Variants in DCBLD2 observed in about 807,000 individuals in gnomAD.
DCBLD2 encodes the protein discoidin, CUB and LCCL domain-containing protein 2.
Under a neutral mutation model 86.8 loss-of-function variants are expected in DCBLD2, and 54 were observed. The ratio of observed to expected loss-of-function variants is 0.62; its 90% CI spans 0.50 to 0.78. The LOEUF (loss-of-function observed/expected upper bound fraction) is 0.78, where lower values mean the gene tolerates loss of function less well. Ranked by LOEUF, DCBLD2 falls within the 30% of genes least tolerant of loss-of-function variation. DCBLD2 has a pLI of 0.00. For missense variants in DCBLD2, 908 were observed against 954.2 expected, an observed-to-expected ratio of 0.95 and a Z score of 0.64; for synonymous variants, 354 against 341.3, an observed-to-expected ratio of 1.04 and a Z score of -0.41.
intron 2 of DCBLD2, among the ~76,000 whole-genome samples, chr3:98,869,119 T>C (rs745754178): frequency 1.5e-4 from 23 of 152,164 alleles, no homozygotes; most frequent in Admixed American, 7.9e-4. Flanking sequence ...CCAACATCTA[T>C]TGTTTTTTGA....
chr3:98,872,061 T>C (rs1033694650), intron 2 of DCBLD2, among the ~76,000 whole-genome samples: 2 of 152,228 alleles, frequency 1.3e-5, no homozygotes, highest in African/African-American at 4.8e-5. Flanking sequence ...CTCTAGACTT[T>C]CTAGTTTGTG....
chr3:98,870,802 A>AAAGAAAGAAAGAAAGAAAGG (rs1559794655), intron 2 of DCBLD2, among the ~76,000 whole-genome samples: 6 of 135,864 alleles, frequency 4.4e-5, no homozygotes, highest in African/African-American at 1.7e-4. Context: ...AGAAAGAAAG[A>AAAGAAAGAAAGAAAGAAAGG]AAGAAAGAAA....
chr3:98,801,636 C>T lies in DCBLD2; in HGVS notation c.1684G>A (p.Glu562Lys), dbSNP rs1941721061. The T allele has an allele frequency of 2.5e-6, 4 of 1,607,478 alleles. No individual in the cohort carries two copies. The highest frequency in any genetic ancestry group is 2.7e-5 in the African/African-American group (2 of 74,780). The change falls in exon 14 of 16, where the codon GAA becomes AAA. Residue 562 changes from glutamate (E) to lysine (K), a missense_variant. Physicochemically the swap from Glu to Lys is moderately conservative, Grantham distance 56. This residue lies in a region of DCBLD2 where 606 missense variants were observed against 678.5 expected (regional missense o/e 0.89). Transcript: ENST00000326840. ...CAGTAAGGTAAGTCATAGGTGCCTT[C>T]AGTTTTTTTCTTTCTGGAAAAATAC... is the stretch of plus-strand genomic sequence containing the variant. The part of the protein sequence containing the change: ...WHWRNRKKKT[E>K]GTYDLPYWDR...
chr3:98,835,938 C>CTTTCTTTTTTTTTTTTT (rs56279917), intron 3 of DCBLD2, among the ~76,000 whole-genome samples: 1 of 115,046 alleles, frequency 8.7e-6, no homozygotes, highest in African/African-American at 3.4e-5. Context: ...TCCTTTCTTT[C>CTTTCTTTTTTTTTTTTT]TTTTTTTTTT....
intron 1 of DCBLD2, among the ~76,000 whole-genome samples, chr3:98,893,697 A>G (rs547110969): frequency 1.7e-3 from 264 of 152,328 alleles, no homozygotes; most frequent in Non-Finnish European, 3.1e-3. Flanking sequence ...AGCCAGTGGC[A>G]TTTTGAGCAT....
chr3:98,811,599 A>G, intron 10 of DCBLD2, 45 bp from the exon 11 acceptor site: 1 of 1,503,584 alleles, frequency 6.7e-7, no homozygotes, highest in East Asian at 2.3e-5. Context: ...GTTTTTAAAA[A>G]TCATAATTAA....
intron 1 of DCBLD2, among the ~76,000 whole-genome samples, chr3:98,887,564 T>C (rs1438987068): frequency 6.6e-6 from 1 of 152,054 alleles, no homozygotes; most frequent in Non-Finnish European, 1.5e-5. Context: ...CTGAAATTAA[T>C]ACAGTGACTC....
At chr3:98,866,976 T>G (rs1305987256) in intron 2 of DCBLD2, among the ~76,000 whole-genome samples, 2 of 152,360 alleles carry the variant, frequency 1.3e-5, no homozygotes, top group Admixed American at 6.5e-5. Flanking sequence ...CCTTTCCCCA[T>G]TTCTTGTTTT....
chr3:98,898,778 C>T (rs912746246), intron 1 of DCBLD2, among the ~76,000 whole-genome samples: 4 of 152,058 alleles, frequency 2.6e-5, no homozygotes, highest in Non-Finnish European at 5.9e-5. Flanking sequence ...GCTTTAGGGT[C>T]CTTTGAGTAA....
intron 1 of DCBLD2, among the ~76,000 whole-genome samples, chr3:98,899,807 G>T (rs1479483910): frequency 6.6e-6 from 1 of 152,074 alleles, no homozygotes; most frequent in East Asian, 1.9e-4. Flanking sequence ...AAGATTCAAG[G>T]AGTTAATAAA....
intron 3 of DCBLD2, among the ~76,000 whole-genome samples, chr3:98,836,670 G>T: frequency 8.4e-6 from 1 of 119,494 alleles, no homozygotes; most frequent in South Asian, 2.6e-4. Context: ...AGTAGGGGCG[G>T]CCGGGCAGAG....
chr3:98,882,425 T>A (rs924381044), intron 1 of DCBLD2, among the ~76,000 whole-genome samples: 1 of 152,160 alleles, frequency 6.6e-6, no homozygotes, highest in Non-Finnish European at 1.5e-5. Flanking sequence ...AGCTCTTTTT[T>A]TTTTAACTTT....
At chr3:98,820,322 C>T in intron 6 of DCBLD2, 34 bp from the exon 7 acceptor site, 2 of 1,404,782 alleles carry the variant, frequency 1.4e-6, no homozygotes, top group South Asian at 3.7e-5. Context: ...TGGTGATACT[C>T]ACATAACACA....
chr3:98,872,660 C>T (rs189520956), intron 2 of DCBLD2, among the ~76,000 whole-genome samples: 2 of 152,018 alleles, frequency 1.3e-5, no homozygotes, highest in Admixed American at 1.3e-4. Context: ...TAAAAATGGA[C>T]AAATCGGATA....
chr3:98,812,249 T>C, intron 10 of DCBLD2, 83 bp downstream of exon 10: 8 of 1,523,390 alleles, frequency 5.3e-6, no homozygotes, highest in African/African-American at 4.2e-5. Flanking sequence ...ACTCACATTA[T>C]TAATTACTCT....
chr3:98,870,735 GAAAAAGAAAGAAAGAAAGAA>G (rs1280279780), intron 2 of DCBLD2, among the ~76,000 whole-genome samples: 5 of 60,186 alleles, frequency 8.3e-5, no homozygotes, highest in African/African-American at 3.4e-4. Context: ...AGAAAAGAAA[GAAAAAGAAAGAAAGAAAGAA>G]AGAAAGAAAG....
chr3:98,817,729 T>TA (rs1942049321), intron 9 of DCBLD2, 40 bp downstream of exon 9: 3 of 1,604,548 alleles, frequency 1.9e-6, no homozygotes, highest in Non-Finnish European at 2.6e-6. Context: ...ACCACCCATT[T>TA]AAAAAATGTT....
chr3:98,897,763 C>T lies in DCBLD2; in HGVS notation c.205+3359G>A, dbSNP rs949741040. ...TATATATTAATAGGCCCAAACAAAT[C>T]AGGCTTAATGGTTTTTAAGAATTAA... On this transcript the variant is annotated intron_variant, in intron 1 of 15. Coordinates refer to ENST00000326840, the MANE Select transcript of DCBLD2 (RefSeq NM_080927.4). Among the ~76,000 whole-genome samples the T allele has an allele frequency of 7.2e-5, 11 of 152,164 alleles. No individual in the cohort carries two copies. In the South Asian group the frequency reaches 1.5e-3, roughly 20 times the overall value.
chr3:98,799,102 T>C lies in DCBLD2; in HGVS notation c.*270A>G. On this transcript the variant is annotated 3_prime_UTR_variant, in exon 16 of 16. Transcript: ENST00000326840. The stretch of plus-strand genomic sequence containing the variant: ...TGATTTTTAATTTCTCTGAAGTGCA[T>C]TATAGGGAGCTTTTTCTGTATTAAA... The C allele has an allele frequency of 3.2e-6, 1 of 315,270 alleles. No homozygotes were observed. Among genetic ancestry groups the C allele is most frequent in the Non-Finnish European group, 5.9e-6 (1 of 169,610 alleles). The allele number at this position is 315,270 out of a possible 1,614,324, so 19.5% of individuals were successfully genotyped here.
Sources: allele counts gnomAD v4.1 joint callset (sites outside exome capture counted in the v4.1 genomes callset), GRCh38; gene constraint gnomAD v4.1.1; regional missense constraint gnomAD v4.1.1; transcripts MANE v1.5; gene names NCBI Gene and HGNC (gene_info 2026-07-23, HGNC 2026-07-21).